Variants in PCDH15 observed in about 807,000 individuals in gnomAD.
PCDH15 encodes protocadherin-15.
PCDH15 carries 129 observed loss-of-function variants against 178.5 expected under a neutral mutation model. The ratio of observed to expected loss-of-function variants is 0.72; its 90% CI spans 0.63 to 0.84. The LOEUF (loss-of-function observed/expected upper bound fraction) is 0.84, where lower values mean the gene tolerates loss of function less well. Among genes scored for constraint, PCDH15 ranks in the 40% least tolerant of loss-of-function variants. The pLI, the probability that PCDH15 is intolerant of heterozygous loss-of-function variation, is 0.00. For missense variants in PCDH15, 2,230 were observed against 2,099.9 expected (o/e 1.06, Z -1.21); for synonymous variants, 800 against 732.0 (o/e 1.09, Z -1.50).
intron 1 of PCDH15, among the ~76,000 whole-genome samples, chr10:55,302,917 G>A (rs990605179): frequency 2.6e-5 from 4 of 151,992 alleles, no homozygotes; most frequent in Admixed American, 6.6e-5. Flanking sequence ...ACTAACTCTT[G>A]CCGAGGAAAA....
chr10:53,879,697 T>C (rs2080550987), intron 26 of PCDH15, among the ~76,000 whole-genome samples: 1 of 152,234 alleles, frequency 6.6e-6, no homozygotes, highest in Non-Finnish European at 1.5e-5. Flanking sequence ...ATGTGTTTTC[T>C]TTTGTTAATA....
At chr10:54,232,496 A>G (rs1269927183) in intron 9 of PCDH15, among the ~76,000 whole-genome samples, 2 of 152,254 alleles carry the variant, frequency 1.3e-5, no homozygotes, top group African/African-American at 4.8e-5. Context: ...AGAATTTACC[A>G]GTAAAGCATC....
At chr10:54,544,287 A>C (rs2085595365) in intron 2 of PCDH15, among the ~76,000 whole-genome samples, 1 of 152,220 alleles carries the variant, frequency 6.6e-6, no homozygotes, top group Non-Finnish European at 1.5e-5. Context: ...AAGGATAAAA[A>C]CACATTATTG....
chr10:54,677,117 A>C (rs2135579426), intron 1 of PCDH15, among the ~76,000 whole-genome samples: 1 of 152,318 alleles, frequency 6.6e-6, no homozygotes, highest in Non-Finnish European at 1.5e-5. Context: ...CACACATGTA[A>C]TCCTAGCACT....
intron 21 of PCDH15, chr10:53,995,298 T>C (rs1210171093): frequency 8.7e-6 from 2 of 228,620 alleles, no homozygotes; most frequent in Admixed American, 5.2e-5. Context: ...GCTAACAAAA[T>C]AGTCATATAT....
chr10:55,048,187 A>C (rs1051053117), intron 2 of PCDH15, among the ~76,000 whole-genome samples: 1 of 151,918 alleles, frequency 6.6e-6, no homozygotes, highest in Non-Finnish European at 1.5e-5. Flanking sequence ...TATAAGATAA[A>C]GGCATAAACA....
At chr10:55,495,256 T>C (rs1013979923) in intron 2 of PCDH15, among the ~76,000 whole-genome samples, 2 of 151,698 alleles carry the variant, frequency 1.3e-5, no homozygotes, top group African/African-American at 4.8e-5. Flanking sequence ...CATAAACATA[T>C]ATAAACTCTA....
chr10:54,747,814 T>TTTTG, intron 1 of PCDH15, among the ~76,000 whole-genome samples: 1 of 150,906 alleles, frequency 6.6e-6, no homozygotes. Flanking sequence ...ACATTTTTTT[T>TTTTG]TTTTTTTTTG....
At chr10:53,817,267 T>C (rs893803795) in intron 34 of PCDH15, among the ~76,000 whole-genome samples, 1 of 152,172 alleles carries the variant, frequency 6.6e-6, no homozygotes, top group South Asian at 2.1e-4. Context: ...AGGTTCGCAG[T>C]GACTTCATTG....
At chr10:54,240,405 A>G (rs2055119537) in intron 8 of PCDH15, among the ~76,000 whole-genome samples, 3 of 152,138 alleles carry the variant, frequency 2.0e-5, no homozygotes, top group African/African-American at 7.2e-5. Flanking sequence ...ATAGTCTTTG[A>G]TTACCAAGTG....
At chr10:54,029,543 G>T (rs1242904392) in intron 18 of PCDH15, among the ~76,000 whole-genome samples, 6 of 152,000 alleles carry the variant, frequency 3.9e-5, no homozygotes. Flanking sequence ...GACCTCACTG[G>T]ACAGAACTTT....
intron 3 of PCDH15, among the ~76,000 whole-genome samples, chr10:54,807,519 A>G (rs1328501863): frequency 6.6e-6 from 1 of 151,820 alleles, no homozygotes; most frequent in Non-Finnish European, 1.5e-5. Context: ...ACTTGCTAGG[A>G]ACTTGGGAAC....
chr10:54,314,218 G>A (rs1165063369), intron 8 of PCDH15, among the ~76,000 whole-genome samples: 1 of 151,582 alleles, frequency 6.6e-6, no homozygotes, highest in East Asian at 1.9e-4. Context: ...TTATTATCAA[G>A]TATTAAATAT....
chr10:55,266,738 G>A (rs564262085), intron 1 of PCDH15, among the ~76,000 whole-genome samples: 6 of 152,256 alleles, frequency 3.9e-5, no homozygotes, highest in African/African-American at 1.4e-4. Context: ...GATGCAGGCA[G>A]GTCATCGACC....
At position 55,007,057 on chromosome 10, in the gene PCDH15, T is replaced by C. The variant is rs1247508504; in HGVS notation, c.-79-109557A>G. 2.6e-5 allele frequency among the ~76,000 whole-genome samples: 4 copies of C among 152,168 alleles called. No individual in the cohort carries two copies. The East Asian group carries it at 7.7e-4, about 29-fold the overall frequency. Reference sequence around the variant, plus strand: ...CTCTCTATGTCTCTCTCTCTTGCTCTTGCTTTTGCTATGTGATGTGCTTGC... The same window carrying C: ...CTCTCTATGTCTCTCTCTCTTGCTCCTGCTTTTGCTATGTGATGTGCTTGC... On this transcript the variant is annotated intron_variant, in intron 2 of 5. Coordinates refer to the PCDH15 transcript ENST00000458638.
intron 1 of PCDH15, among the ~76,000 whole-genome samples, chr10:54,683,169 G>A (rs1399547759): frequency 6.6e-6 from 1 of 151,810 alleles, no homozygotes; most frequent in African/African-American, 2.4e-5. Flanking sequence ...TAAATTTTAA[G>A]ATTTTGTTGT....
intron 14 of PCDH15, among the ~76,000 whole-genome samples, chr10:54,148,951 TAA>T (rs1417889062): frequency 6.6e-6 from 1 of 152,062 alleles, no homozygotes; most frequent in Non-Finnish European, 1.5e-5. Context: ...TAGATAAGTC[TAA>T]GTTTCTTATA....
At chr10:55,256,284 G>A (rs966555545) in intron 1 of PCDH15, among the ~76,000 whole-genome samples, 2 of 152,184 alleles carry the variant, frequency 1.3e-5, no homozygotes, top group Non-Finnish European at 1.5e-5. Context: ...CCAGTCTACA[G>A]CTCCCAGTGT....
intron 4 of PCDH15, among the ~76,000 whole-genome samples, chr10:54,376,453 T>C (rs1374660755): frequency 6.6e-6 from 1 of 150,834 alleles, no homozygotes; most frequent in African/African-American, 2.4e-5. Context: ...TATATGAATA[T>C]CATAGTATTA....
Sources: allele counts gnomAD v4.1 joint callset (sites outside exome capture counted in the v4.1 genomes callset), GRCh38; gene constraint gnomAD v4.1.1; transcripts MANE v1.5; gene names NCBI Gene and HGNC (gene_info 2026-07-23, HGNC 2026-07-21).